GRM7: variants seen among roughly 807,000 people sequenced by gnomAD.
The protein encoded by GRM7 is glutamate metabotropic receptor 7.
GRM7 carries 35 observed loss-of-function variants against 84.5 expected under a neutral mutation model. The ratio of observed to expected loss-of-function variants is 0.41; its 90% CI spans 0.32 to 0.55. The LOEUF is 0.55. Among genes scored for constraint, GRM7 ranks in the 20% least tolerant of loss-of-function variants. The pLI is 0.19. For synonymous variants in GRM7, 487 were observed against 455.1 expected, an observed-to-expected ratio of 1.07 and a Z score of -0.89; for missense variants, 1,003 against 1,194.6, an observed-to-expected ratio of 0.84 and a Z score of 2.36.
intron 9 of GRM7, among the ~76,000 whole-genome samples, chr3:7,727,134 T>A (rs1165733613): frequency 6.6e-6 from 1 of 152,180 alleles, no homozygotes; most frequent in African/African-American, 2.4e-5. Flanking sequence ...CACATAAGCA[T>A]TTTCTATGTT....
chr3:7,542,341 C>T (rs1482247295), intron 7 of GRM7, among the ~76,000 whole-genome samples: 1 of 152,156 alleles, frequency 6.6e-6, no homozygotes, highest in African/African-American at 2.4e-5. Context: ...TTGTTAGTTT[C>T]TACCACATGG....
chr3:7,259,613 A>G (rs959085056), intron 2 of GRM7, among the ~76,000 whole-genome samples: 1 of 152,222 alleles, frequency 6.6e-6, no homozygotes, highest in Non-Finnish European at 1.5e-5. Context: ...TGCAAAGGAC[A>G]TGATCTCATT....
chr3:7,407,840 G>T (rs1041279957), intron 4 of GRM7, among the ~76,000 whole-genome samples: 19 of 152,146 alleles, frequency 1.2e-4, no homozygotes, highest in African/African-American at 4.3e-4. Flanking sequence ...TTCATGCATA[G>T]TTCCTAGTGT....
intron 4 of GRM7, among the ~76,000 whole-genome samples, chr3:7,377,198 T>C (rs1256028739): frequency 1.3e-5 from 2 of 151,348 alleles, no homozygotes; most frequent in East Asian, 1.9e-4. Flanking sequence ...CATATTGAGA[T>C]TTATTGGCTG....
intron 1 of GRM7, among the ~76,000 whole-genome samples, chr3:6,903,585 C>T (rs748149586): frequency 6.6e-5 from 10 of 152,112 alleles, no homozygotes; most frequent in Non-Finnish European, 1.5e-5. Flanking sequence ...CATTTCACTT[C>T]CATTATAAAG....
At chr3:6,934,720 C>G (rs1001639778) in intron 1 of GRM7, among the ~76,000 whole-genome samples, 1 of 151,814 alleles carries the variant, frequency 6.6e-6, no homozygotes, top group African/African-American at 2.4e-5. Flanking sequence ...GGTGGCAGGG[C>G]AAGGTGAGAT....
rs115137409 is a variant in GRM7, at chr3:7,196,671, C to T, written c.736+50003C>T. Among the ~76,000 whole-genome samples, 442 of 152,286 alleles carry T rather than the reference C, an allele frequency of 2.9e-3. 2 individuals carry two copies. Among genetic ancestry groups the T allele is most frequent in the African/African-American group, 8.8e-3 (365 of 41,572 alleles). On this transcript the variant is annotated intron_variant, in intron 2 of 9. Transcript: ENST00000357716. ...GTTTCTTTAGTGAAGATGTTCCTGACTTCCAGTCTTATCAGGCCCCCTTAG... is the reference window on the plus strand; with the variant it reads ...GTTTCTTTAGTGAAGATGTTCCTGATTTCCAGTCTTATCAGGCCCCCTTAG...
At chr3:7,220,345 G>T (rs565251659) in intron 2 of GRM7, among the ~76,000 whole-genome samples, 1 of 152,138 alleles carries the variant, frequency 6.6e-6, no homozygotes, top group Non-Finnish European at 1.5e-5. Flanking sequence ...CCCTTGACAC[G>T]TTGTAATGAG....
chr3:6,945,781 T>A (rs1450044854), intron 1 of GRM7, among the ~76,000 whole-genome samples: 5 of 152,218 alleles, frequency 3.3e-5, no homozygotes, highest in Non-Finnish European at 5.9e-5. Context: ...GGTACCTCAT[T>A]GTGGTTTTGA....
intron 1 of GRM7, among the ~76,000 whole-genome samples, chr3:6,934,331 T>C (rs865810937): frequency 6.6e-6 from 1 of 152,168 alleles, no homozygotes; most frequent in Admixed American, 6.5e-5. Context: ...CAATTTTTAA[T>C]ATCGTTTCTG....
chr3:6,897,902 G>A (rs78238716), intron 1 of GRM7, among the ~76,000 whole-genome samples: 1 of 152,150 alleles, frequency 6.6e-6, no homozygotes, highest in Non-Finnish European at 1.5e-5. Context: ...CTGCTGGAGA[G>A]TGGGGGCCTC....
intron 1 of GRM7, among the ~76,000 whole-genome samples, chr3:6,868,368 C>T (rs17046218): frequency 0.038 from 5,764 of 152,242 alleles, 164 homozygotes; most frequent in East Asian, 0.082. Context: ...TTGCTGATTG[C>T]TTAAGCGTAT....
chr3:6,938,809 G>A (rs1427371763), intron 1 of GRM7, among the ~76,000 whole-genome samples: 1 of 152,188 alleles, frequency 6.6e-6, no homozygotes, highest in Non-Finnish European at 1.5e-5. Context: ...GAGGTAGACA[G>A]GTAGAAAATC....
intron 1 of GRM7, among the ~76,000 whole-genome samples, chr3:7,144,906 A>G (rs1328368627): frequency 6.6e-6 from 1 of 152,174 alleles, no homozygotes; most frequent in Non-Finnish European, 1.5e-5. Flanking sequence ...CCTGCCCTCC[A>G]ATGGTCATAG....
intron 4 of GRM7, among the ~76,000 whole-genome samples, chr3:7,365,958 TA>T (rs1182758263): frequency 6.6e-6 from 1 of 151,564 alleles, no homozygotes; most frequent in African/African-American, 2.4e-5. Context: ...AGCTTTATGT[TA>T]AATTTTCAGT....
At chr3:7,647,194 T>A (rs998632754) in intron 8 of GRM7, among the ~76,000 whole-genome samples, 1 of 152,192 alleles carries the variant, frequency 6.6e-6, no homozygotes, top group African/African-American at 2.4e-5. Flanking sequence ...AACCTCTTTT[T>A]CCTCATGCTT....
Position 7,676,492 on chromosome 3 carries a change from C to G in GRM7, c.2452-3557C>G, listed in dbSNP as rs113101153. Among the ~76,000 whole-genome samples, 86 of 152,224 alleles carry G rather than the reference C, an allele frequency of 5.6e-4. 1 individual carries two copies. Among genetic ancestry groups the G allele is most frequent in the African/African-American group, 1.7e-3 (69 of 41,544 alleles). On this transcript the variant is annotated intron_variant, in intron 8 of 9. Coordinates refer to ENST00000357716, the MANE Select transcript of GRM7 (RefSeq NM_000844.4). ...ATTATTTTTGAGATGGAGTCTCACT[C>G]TGTCTCCCAGGCTGGGAATGCAGTG... is the stretch of plus-strand genomic sequence containing the variant.
intron 5 of GRM7, among the ~76,000 whole-genome samples, chr3:7,426,478 C>G (rs889435610): frequency 1.3e-5 from 2 of 152,062 alleles, no homozygotes; most frequent in African/African-American, 4.8e-5. Flanking sequence ...GTTTCTCTGC[C>G]TGGATTTTTT....
chr3:7,140,183 C>T (rs1693902057), intron 1 of GRM7, among the ~76,000 whole-genome samples: 1 of 151,710 alleles, frequency 6.6e-6, no homozygotes, highest in Non-Finnish European at 1.5e-5. Flanking sequence ...AGAGAAGGTC[C>T]CCCTTGAATA....
Sources: gnomAD v4.1 joint callset for allele counts (sites outside exome capture counted in the v4.1 genomes callset) on GRCh38, gnomAD v4.1.1 for gene constraint, MANE v1.5 for transcripts, NCBI Gene and HGNC (gene_info 2026-07-23, HGNC 2026-07-21) for gene names.